PPP2R2C: variants seen among roughly 807,000 people sequenced by gnomAD.
PPP2R2C encodes protein phosphatase 2, regulatory subunit B, gamma.
PPP2R2C carries 10 observed loss-of-function variants against 45.3 expected under a neutral mutation model. That is an observed-to-expected ratio of 0.22 (90% confidence interval 0.14 to 0.37). The LOEUF (loss-of-function observed/expected upper bound fraction) is 0.37, where lower values mean the gene tolerates loss of function less well. Ranked by LOEUF, PPP2R2C falls within the 10% of genes least tolerant of loss-of-function variation. The pLI, the probability that PPP2R2C is intolerant of heterozygous loss-of-function variation, is 1.00. For missense variants in PPP2R2C, 308 were observed against 619.7 expected, an observed-to-expected ratio of 0.50 and a Z score of 5.34; for synonymous variants, 257 against 245.4, an observed-to-expected ratio of 1.05 and a Z score of -0.44.
chr4:6,337,108 G>GTA (rs1245832072), intron 6 of PPP2R2C, among the ~76,000 whole-genome samples: 2,846 of 33,026 alleles, frequency 0.086, 263 homozygotes, highest in Non-Finnish European at 0.098. Context: ...CTGTATGTGT[G>GTA]TGTGTATATA....
At chr4:6,436,374 C>T (rs900470510) in intron 1 of PPP2R2C, among the ~76,000 whole-genome samples, 30 of 152,246 alleles carry the variant, frequency 2.0e-4, no homozygotes, top group Non-Finnish European at 5.9e-5. Context: ...CTGAGCTTTA[C>T]AGCCATGGGC....
intron 7 of PPP2R2C, among the ~76,000 whole-genome samples, chr4:6,333,205 C>T (rs934026027): frequency 1.3e-5 from 2 of 152,136 alleles, no homozygotes; most frequent in Admixed American, 6.5e-5. Flanking sequence ...GGTACAGCTC[C>T]GATGCAGGCT....
At chr4:6,442,650 T>C (rs963743773) in intron 1 of PPP2R2C, among the ~76,000 whole-genome samples, 3 of 152,152 alleles carry the variant, frequency 2.0e-5, no homozygotes, top group African/African-American at 7.2e-5. Context: ...CACTCCGTGT[T>C]TTATATGAAT....
intron 6 of PPP2R2C, among the ~76,000 whole-genome samples, chr4:6,337,116 A>ATATG (rs1411307614): frequency 4.4e-5 from 1 of 22,902 alleles, no homozygotes; most frequent in Non-Finnish European, 7.7e-5. Flanking sequence ...GTGTGTGTAT[A>ATATG]TATATATATA....
rs549208115 is a variant in PPP2R2C, at chr4:6,346,553, G to C, written c.790+1293C>G. 2.9e-3 allele frequency among the ~76,000 whole-genome samples: 438 copies of C among 152,366 alleles called. 1 individual carries two copies. Among genetic ancestry groups the C allele is most frequent in the Middle Eastern group, 6.8e-3 (2 of 294 alleles). ...CCCCCGCAGACGCCAGCTCCCGACGGTGGGCCTCTGCTGCACACCCATGCC... is the reference window on the plus strand; with the variant it reads ...CCCCCGCAGACGCCAGCTCCCGACGCTGGGCCTCTGCTGCACACCCATGCC... On this transcript the variant is annotated intron_variant, in intron 6 of 8. Transcript: ENST00000382599.
chr4:6,535,029 G>C (rs1015542718), intron 2 of PPP2R2C, among the ~76,000 whole-genome samples: 1 of 152,224 alleles, frequency 6.6e-6, no homozygotes, highest in Non-Finnish European at 1.5e-5. Context: ...CATGAAGGGG[G>C]CCTCACCCAT....
At chr4:6,502,360 C>T (rs1047217378) in intron 2 of PPP2R2C, among the ~76,000 whole-genome samples, 2 of 152,136 alleles carry the variant, frequency 1.3e-5, no homozygotes, top group Non-Finnish European at 2.9e-5. Context: ...CTGTGATGTA[C>T]GGTGCAGCTG....
chr4:6,502,538 CTTCCTTCCTTCCTTT>C (rs1364131024), intron 2 of PPP2R2C, among the ~76,000 whole-genome samples: 2 of 151,934 alleles, frequency 1.3e-5, no homozygotes, highest in Non-Finnish European at 2.9e-5. Flanking sequence ...TCCCTGCTTC[CTTCCTTCCTTCCTTT>C]TTCCTTCCTT....
chr4:6,499,365 C>G (rs1722973792), intron 2 of PPP2R2C, among the ~76,000 whole-genome samples: 1 of 152,204 alleles, frequency 6.6e-6, no homozygotes, highest in Admixed American at 6.5e-5. Flanking sequence ...AGCCTCACCC[C>G]ACCCCATCCT....
intron 2 of PPP2R2C, among the ~76,000 whole-genome samples, chr4:6,527,802 C>T (rs1288890466): frequency 2.0e-5 from 3 of 152,170 alleles, no homozygotes; most frequent in Non-Finnish European, 4.4e-5. Context: ...GAGGACAGGC[C>T]ACCCCTGAGC....
At chr4:6,350,888 G>A (rs1202975614) in intron 5 of PPP2R2C, 1 of 985,416 alleles carries the variant, frequency 1.0e-6, no homozygotes, top group Non-Finnish European at 1.2e-6. Flanking sequence ...TGAAGTGGGT[G>A]TTTGAGGCCT....
chr4:6,479,923 C>G (rs2108777649), intron 2 of PPP2R2C, among the ~76,000 whole-genome samples: 1 of 152,040 alleles, frequency 6.6e-6, no homozygotes, highest in East Asian at 1.9e-4. Context: ...GTTGCCCAGG[C>G]CCGTCTCTAA....
At chr4:6,344,567 G>A (rs563373592) in intron 6 of PPP2R2C, among the ~76,000 whole-genome samples, 9 of 152,270 alleles carry the variant, frequency 5.9e-5, no homozygotes, top group East Asian at 1.9e-4. Context: ...TCCTATGCCC[G>A]TCTCTGTGCT....
At position 6,328,176 on chromosome 4, in the gene PPP2R2C, G is replaced by A. The variant is rs116697867; in HGVS notation, c.1052+1086C>T. On this transcript the variant is annotated intron_variant, in intron 8 of 8. Transcript: ENST00000382599. The surrounding 1 kb of genome is among the most constrained non-coding windows in gnomAD (Gnocchi z 4.4). ...ACCAGGTGATGCCCAAGTCAGGGCT[G>A]CTGGCTCTCACTCCACCCTCCTTGC... is the stretch of plus-strand genomic sequence containing the variant. 6.6e-6 allele frequency among the ~76,000 whole-genome samples: 1 copy of A among 152,196 alleles called. No individual in the cohort carries two copies. Among genetic ancestry groups the A allele is most frequent in the African/African-American group, 2.4e-5 (1 of 41,446 alleles).
chr4:6,385,717 C>G (rs1716162846), intron 1 of PPP2R2C, among the ~76,000 whole-genome samples: 1 of 152,042 alleles, frequency 6.6e-6, no homozygotes, highest in South Asian at 2.1e-4. Flanking sequence ...TTACAGGCAC[C>G]TGCCACCACA....
chr4:6,537,312 T>C (rs1026331048), intron 1 of PPP2R2C, among the ~76,000 whole-genome samples: 1 of 152,116 alleles, frequency 6.6e-6, no homozygotes, highest in African/African-American at 2.4e-5. Flanking sequence ...GAGAAATGTC[T>C]GGAGGATGCA....
intron 1 of PPP2R2C, chr4:6,382,079 G>GC (rs1715839860): frequency 7.3e-7 from 1 of 1,377,508 alleles, no homozygotes; most frequent in African/African-American, 1.5e-5. Flanking sequence ...TTTTACTGCA[G>GC]CCCCAAAATG....
At chr4:6,335,772 C>T (rs924558605) in intron 6 of PPP2R2C, among the ~76,000 whole-genome samples, 9 of 152,048 alleles carry the variant, frequency 5.9e-5, no homozygotes, top group African/African-American at 2.2e-4. Context: ...AAGCTGCTTA[C>T]AGGGCAGGAA....
At chr4:6,409,903 T>C (rs1016224681) in intron 1 of PPP2R2C, among the ~76,000 whole-genome samples, 3 of 152,214 alleles carry the variant, frequency 2.0e-5, no homozygotes, top group African/African-American at 7.2e-5. Flanking sequence ...TTATCTAACA[T>C]CTGGTGGATG....
Sources: allele counts gnomAD v4.1 joint callset (sites outside exome capture counted in the v4.1 genomes callset), GRCh38; gene constraint gnomAD v4.1.1; non-coding constraint Gnocchi (gnomAD v3.1); transcripts MANE v1.5; gene names NCBI Gene and HGNC (gene_info 2026-07-23, HGNC 2026-07-21).